The following SNX19 variants were observed in gnomAD, a reference collection of about 807,000 sequenced individuals.
SNX19 encodes the protein sorting nexin-19.
In SNX19, 60 loss-of-function variants were observed where a neutral mutation model predicts 85.2. The observed-to-expected ratio is 0.70, with a 90% CI of 0.57 to 0.87. The LOEUF is 0.87. SNX19 is among the 40% of genes least tolerant of loss of function. The pLI is 0.00. For synonymous variants in SNX19, 520 were observed against 470.0 expected (o/e 1.11, Z -1.38); for missense variants, 1,201 against 1,217.8 (o/e 0.99, Z 0.21).
At chr11:130,902,263 C>T (rs181372960) in intron 8 of SNX19, among the ~76,000 whole-genome samples, 5 of 152,308 alleles carry the variant, frequency 3.3e-5, no homozygotes, top group Middle Eastern at 3.4e-3. Context: ...CATAGATAAG[C>T]GCTTAGCAAA....
chr11:130,878,457 G>C lies in SNX19; in HGVS notation c.2944C>G (p.Pro982Ala). Residue 982 changes from proline to alanine, a missense_variant, in exon 11 of 11, where the codon CCA becomes GCA. Pro to Ala is a conservative substitution (Grantham distance 27). This residue lies in a region of SNX19 where 285 missense variants were observed against 295.3 expected (regional missense o/e 0.97). Coordinates refer to ENST00000265909, the MANE Select transcript of SNX19 (RefSeq NM_014758.3). ...ACACCCATCCTCTTAGAGTTGCCTGGGGTATCTGAGGCAGAGGTGGTAGCA... is the reference window on the plus strand; with the variant it reads ...ACACCCATCCTCTTAGAGTTGCCTGCGGTATCTGAGGCAGAGGTGGTAGCA... ...SAATTSASDT[P>A]GNSKRMGVSS 6.2e-7 allele frequency: 1 copy of C among 1,613,866 alleles called. No individual in the cohort carries two copies. Among genetic ancestry groups the C allele is most frequent in the Non-Finnish European group, 8.5e-7 (1 of 1,179,886 alleles).
At chr11:130,910,580 A>T (rs55938996) in intron 2 of SNX19, among the ~76,000 whole-genome samples, 24,029 of 152,066 alleles carry the variant, frequency 0.16, 2,139 homozygotes, top group Middle Eastern at 0.24. Flanking sequence ...CAGAGACCCA[A>T]GTTTAAATCT....
At position 130,872,949 on chromosome 11, in the gene SNX19, T is replaced by C. The variant is rs1008729963; in HGVS notation, c.*5473A>G. Among the ~76,000 whole-genome samples, 2 of 152,164 alleles carry C rather than the reference T, an allele frequency of 1.3e-5. No homozygotes were observed. Among genetic ancestry groups the C allele is most frequent in the African/African-American group, 4.8e-5 (2 of 41,444 alleles). On this transcript the variant is annotated 3_prime_UTR_variant, in exon 11 of 11. Coordinates refer to ENST00000265909, the MANE Select transcript of SNX19 (RefSeq NM_014758.3). The stretch of plus-strand genomic sequence containing the variant: ...GGGAGGTACGGCTTGCCAGGACAAC[T>C]TGGCTGAATGGGTTCCTGAAACAAG...
intron 8 of SNX19, chr11:130,893,618 G>C (rs12049830): frequency 3.4e-6 from 2 of 592,278 alleles, no homozygotes; most frequent in Non-Finnish European, 6.0e-6. Flanking sequence ...TAGGGACACC[G>C]AAGTGGCAAC....
rs946720677 is a variant in SNX19, at chr11:130,878,636, C to T, written c.2847-82G>A. 24 of 1,498,790 alleles carry T rather than the reference C, an allele frequency of 1.6e-5. No individual in the cohort carries two copies. In the East Asian group the frequency reaches 4.4e-4, roughly 27 times the overall value. The allele number at this position is 1,498,790 out of a possible 1,614,324, so 92.8% of individuals were successfully genotyped here. A position where few individuals can be genotyped will look rare whatever the true frequency, so the allele number is the denominator to read the frequency against. On this transcript the variant is annotated intron_variant, in intron 10 of 10. Coordinates refer to ENST00000265909, the MANE Select transcript of SNX19 (RefSeq NM_014758.3). ...TGTTTATGACATTTATTTTCTCCTC[C>T]CCCATCACCGACACCCTAAACTTCA... is the stretch of plus-strand genomic sequence containing the variant.
rs775388355 is a variant in SNX19, at chr11:130,915,733, G to A, written c.207C>T (p.Leu69=). The A allele has an allele frequency of 6.2e-6, 10 of 1,614,204 alleles. No individual in the cohort carries two copies. Among genetic ancestry groups the A allele is most frequent in the South Asian group, 5.5e-5 (5 of 91,080 alleles). Residue 69 remains leucine (L), a synonymous_variant, in exon 1 of 11, where the codon CTC becomes CTT. Transcript: ENST00000265909. ...GCAGTCGACCTGAAGCCACTCCAGC[G>A]AGGCTGGAGCCCAGCCATCCTCCCA... ...VVLGGWLGSS[L]AGVASGRLHL... is the part of the protein sequence containing the mutation.
intron 7 of SNX19, among the ~76,000 whole-genome samples, chr11:130,903,896 C>A (rs1040889256): frequency 6.6e-6 from 1 of 152,080 alleles, no homozygotes. Context: ...CACTCGCCCC[C>A]ACAAAGCATT....
chr11:130,884,995 C>CAGA (rs1175166229), intron 8 of SNX19, among the ~76,000 whole-genome samples: 2 of 151,984 alleles, frequency 1.3e-5, no homozygotes, highest in Non-Finnish European at 2.9e-5. Context: ...AGAATAGCCT[C>CAGA]AGATAGCACT....
Position 130,911,672 on chromosome 11 carries a change from G to A in SNX19, c.1774C>T (p.Arg592Cys), listed in dbSNP as rs987057417. 12 of 1,614,146 alleles carry A rather than the reference G, an allele frequency of 7.4e-6. No homozygotes were observed. Among genetic ancestry groups the A allele is most frequent in the Non-Finnish European group, 8.5e-6 (10 of 1,180,026 alleles). ...RYREFLNLQT[R>C]LEEKPDLRKF... ...CGTAGATCTGGTTTCTCCTCCAGAC[G>A]GGTCTGCAGATTCAAGAACTCCCGA... is the stretch of plus-strand genomic sequence containing the variant. Residue 592 changes from arginine (R) to cysteine (C), a missense_variant, in exon 2 of 11, where the codon CGT (arginine) becomes TGT (cysteine). Arg to Cys is a radical substitution (Grantham distance 180). Coordinates refer to ENST00000265909, the MANE Select transcript of SNX19 (RefSeq NM_014758.3).
chr11:130,875,547 A>G lies in SNX19; in HGVS notation c.*2875T>C, dbSNP rs1373247243. ...GTTTCTTTACAACAATAAGAAAATC[A>G]CCTTGTAAACTGGAAATTTCCAAAA... On this transcript the variant is annotated 3_prime_UTR_variant, in exon 11 of 11. Coordinates refer to ENST00000265909, the MANE Select transcript of SNX19 (RefSeq NM_014758.3). 1 of 152,214 alleles carries G rather than the reference A, an allele frequency of 6.6e-6. No individual in the cohort carries two copies. The highest frequency in any genetic ancestry group is 1.5e-5 in the Non-Finnish European group (1 of 68,038). The allele number at this position is 152,214 out of a possible 1,614,324, so 9.4% of individuals were successfully genotyped here.
chr11:130,914,786 A>G lies in SNX19; in HGVS notation c.1154T>C (p.Ile385Thr). 6.2e-7 allele frequency: 1 copy of G among 1,614,208 alleles called. No homozygotes were observed. The highest frequency in any genetic ancestry group is 1.1e-5 in the South Asian group (1 of 91,090). ...AAAGCTGCCTGGAGTCATGAGCATG[A>G]TGGTTTCTTTGCCCAGTTCAGACAG... ...SPLSELGKET[I>T]MLMTPGSFLS... Residue 385 changes from isoleucine (I) to threonine (T), a missense_variant, in exon 1 of 11, where the codon ATC (isoleucine) becomes ACC (threonine). By Grantham distance (89) the Ile-to-Thr change is moderately conservative (BLOSUM62 -1). Transcript: ENST00000265909.
chr11:130,892,234 A>G (rs1193377123), intron 8 of SNX19, among the ~76,000 whole-genome samples: 1 of 151,064 alleles, frequency 6.6e-6, no homozygotes, highest in African/African-American at 2.4e-5. Context: ...TGCTACCGAC[A>G]TACTATAATC....
In SNX19 at chr11:130,876,199, C is replaced by T. The variant is rs1943237829; in HGVS notation, c.*2223G>A. 1 of 151,820 alleles carries T rather than the reference C, an allele frequency of 6.6e-6. No homozygotes were observed. Among genetic ancestry groups the T allele is most frequent in the South Asian group, 2.1e-4 (1 of 4,774 alleles). 9.4% of individuals were successfully genotyped at this position (151,820 alleles called of 1,614,324 possible). A position where few individuals can be genotyped will look rare whatever the true frequency, so the allele number is the denominator to read the frequency against. On this transcript the variant is annotated 3_prime_UTR_variant, in exon 11 of 11. Coordinates refer to ENST00000265909, the MANE Select transcript of SNX19 (RefSeq NM_014758.3). ...GGATCAGCACAGGCCCAATTCTTCC[C>T]TGCCTTTTATCACCCTGTCAGCTGG...
chr11:130,885,992 C>T (rs1416803441), intron 8 of SNX19, among the ~76,000 whole-genome samples: 1 of 152,164 alleles, frequency 6.6e-6, no homozygotes, highest in Non-Finnish European at 1.5e-5. Context: ...ACATCCTTGC[C>T]CCTCCTCCCC....
chr11:130,868,905 A>T lies in SNX19; in HGVS notation c.*9517T>A, dbSNP rs1443247663. ...CCAAGCCTATCAGGAGGAAAGAAAT[A>T]TGTTACTCACTGCCACAAGAAGGTT... On this transcript the variant is annotated 3_prime_UTR_variant, in exon 11 of 11. Coordinates refer to ENST00000265909, the MANE Select transcript of SNX19 (RefSeq NM_014758.3). 2 of 152,204 alleles carry T rather than the reference A, an allele frequency of 1.3e-5. No individual in the cohort carries two copies. Among genetic ancestry groups the T allele is most frequent in the African/African-American group, 4.8e-5 (2 of 41,436 alleles). The allele number at this position is 152,204 out of a possible 1,614,324, so 9.4% of individuals were successfully genotyped here.
intron 8 of SNX19, among the ~76,000 whole-genome samples, chr11:130,882,120 C>G (rs1315389142): frequency 6.6e-6 from 1 of 152,162 alleles, no homozygotes; most frequent in Non-Finnish European, 1.5e-5. Context: ...GAAAGTGGTT[C>G]AACGTTATTC....
At chr11:130,899,385 C>T (rs1266886552) in intron 8 of SNX19, among the ~76,000 whole-genome samples, 1 of 152,192 alleles carries the variant, frequency 6.6e-6, no homozygotes, top group Non-Finnish European at 1.5e-5. Flanking sequence ...CTTTAGATAT[C>T]ATGACTTCTA....
rs1309687767 is a variant in SNX19 at position 130,908,038 on chromosome 11, G to A, written c.2080C>T (p.Arg694Cys). ...TCTGTGGGGCTCTGGGGTTCAGAGCGAGGAAACGCTGTCTTCAAGGTGTCC... is the reference window on the plus strand; with the variant it reads ...TCTGTGGGGCTCTGGGGTTCAGAGCAAGGAAACGCTGTCTTCAAGGTGTCC... ...IVDTLKTAFP[R>C]SEPQSPTEEL... Residue 694 changes from arginine to cysteine, a missense_variant, in exon 5 of 11, where the codon CGC (arginine) becomes TGC (cysteine). Around this residue, in one of 3 missense-constraint regions of SNX19, gnomAD observed 125 missense variants for 171.6 expected, o/e 0.73. Transcript: ENST00000265909. The A allele has an allele frequency of 2.5e-6, 4 of 1,614,166 alleles. No individual in the cohort carries two copies. Among genetic ancestry groups the A allele is most frequent in the East Asian group, 2.2e-5 (1 of 44,870 alleles).
chr11:130,873,112 G>A lies in SNX19; in HGVS notation c.*5310C>T, dbSNP rs138839461. On this transcript the variant is annotated 3_prime_UTR_variant, in exon 11 of 11. Transcript: ENST00000265909. ...TGAATCAAAATTTGCATTTTAACCC[G>A]ATCCCACGTGAATCACACACACATT... 2.6e-4 allele frequency among the ~76,000 whole-genome samples: 39 copies of A among 152,216 alleles called. No homozygotes were observed. The highest frequency in any genetic ancestry group is 7.0e-4 in the African/African-American group (29 of 41,528).
Sources: gnomAD v4.1 joint callset for allele counts (sites outside exome capture counted in the v4.1 genomes callset) on GRCh38, gnomAD v4.1.1 for gene constraint, gnomAD v4.1.1 regional missense constraint, MANE v1.5 for transcripts, NCBI Gene and HGNC (gene_info 2026-07-23, HGNC 2026-07-21) for gene names.